DEGS2: variants seen among roughly 807,000 people sequenced by gnomAD.
DEGS2 encodes the protein delta 4-desaturase, sphingolipid 2.
A neutral mutation model predicts 23.8 loss-of-function variants in DEGS2; 19 were observed. The observed-to-expected ratio is 0.80, with a 90% CI of 0.56 to 1.17. DEGS2 has a LOEUF of 1.17. Among genes scored for constraint, DEGS2 ranks in the 50% most tolerant of loss-of-function variants. The pLI, the probability that DEGS2 is intolerant of heterozygous loss-of-function variation, is 0.00. For synonymous variants in DEGS2, 218 were observed against 213.7 expected (o/e 1.02, Z -0.18); for missense variants, 390 against 459.5 (o/e 0.85, Z 1.38).
the DEGS2 span, among the ~76,000 whole-genome samples, chr14:100,166,400 G>A: frequency 1.3e-5 from 2 of 149,780 alleles, no homozygotes; most frequent in African/African-American, 5.0e-5. Context: ...TTCACTCTCA[G>A]GAGCTCAGTG....
At position 100,145,314 on chromosome 14, in the gene DEGS2, C is replaced by G. The variant is rs2140416956; in HGVS notation, c.*1447G>C. Reference sequence around the variant, plus strand: ...GGTTCCCCTCAGCCTGTGGGCGGGCCTGTGTGCACAGGGAGGGGCCGCCCG... The same window carrying G: ...GGTTCCCCTCAGCCTGTGGGCGGGCGTGTGTGCACAGGGAGGGGCCGCCCG... On this transcript the variant is annotated 3_prime_UTR_variant, in exon 3 of 3. Coordinates refer to ENST00000305631, the MANE Select transcript of DEGS2 (RefSeq NM_206918.3). 6.6e-6 allele frequency: 1 copy of G among 152,398 alleles called. No homozygotes were observed. Among genetic ancestry groups the G allele is most frequent in the Non-Finnish European group, 1.5e-5 (1 of 68,084 alleles). The allele number at this position is 152,398 out of a possible 1,614,324, so 9.4% of individuals were successfully genotyped here.
At chr14:100,146,972 G>T (rs1229019843) in intron 2 of DEGS2, 65 bp from the exon 3 acceptor site, 3 of 1,560,180 alleles carry the variant, frequency 1.9e-6, no homozygotes, top group Non-Finnish European at 1.7e-6. Flanking sequence ...GAGCACACAC[G>T]CAGACACCTG....
Position 100,149,511 on chromosome 14 carries a change from G to T in DEGS2, c.282C>A (p.Asn94Lys). 6.2e-7 allele frequency: 1 copy of T among 1,601,502 alleles called. No individual in the cohort carries two copies. Residue 94 changes from asparagine to lysine, a missense_variant, in exon 2 of 3, where the codon AAC becomes AAA. Coordinates refer to ENST00000305631, the MANE Select transcript of DEGS2 (RefSeq NM_206918.3). Reference sequence around the variant, plus strand: ...CCGCACGGCCCGTGCCGAAGGCCGCGTTGTGCGAGATGTCGTGGATGGCCA... The same window carrying T: ...CCGCACGGCCCGTGCCGAAGGCCGCTTTGTGCGAGATGTCGTGGATGGCCA... ...LTLAIHDISH[N>K]AAFGTGRAAR...
rs1889373629 is a variant in DEGS2 at position 100,144,031 on chromosome 14, C to G, written c.*2730G>C. On this transcript the variant is annotated 3_prime_UTR_variant, in exon 3 of 3. Transcript: ENST00000305631. ...GTTTCTAGAGACGCCCCTAAGTCAC[C>G]TGCTTCATTAGACGGTTTCCAGGTT... is the stretch of plus-strand genomic sequence containing the variant. 2 of 458,066 alleles carry G rather than the reference C, an allele frequency of 4.4e-6. No individual in the cohort carries two copies. The highest frequency in any genetic ancestry group is 7.8e-6 in the Non-Finnish European group (2 of 256,776). The allele number at this position is 458,066 out of a possible 1,614,324, so 28.4% of individuals were successfully genotyped here. A position where few individuals can be genotyped will look rare whatever the true frequency, so the allele number is the denominator to read the frequency against.
chr14:100,164,932 C>A, the DEGS2 span, among the ~76,000 whole-genome samples: 1 of 152,170 alleles, frequency 6.6e-6, no homozygotes, highest in African/African-American at 2.4e-5. Context: ...CAACAAAAAA[C>A]GAAGAATGGA....
Position 100,146,823 on chromosome 14 carries a change from C to A in DEGS2, c.910G>T (p.Asp304Tyr). 2.5e-6 allele frequency: 4 copies of A among 1,613,834 alleles called. No individual in the cohort carries two copies. The highest frequency in any genetic ancestry group is 3.4e-6 in the Non-Finnish European group (4 of 1,179,908). ...VKVLWDFVFE[D>Y]SLGPYARVKR... is the part of the protein sequence containing the mutation. ...ACCCTGGCATAGGGCCCCAGGGAGT[C>A]CTCAAACACAAAATCCCAGAGCACC... Residue 304 changes from aspartate to tyrosine, a missense_variant, in exon 3 of 3, where the codon GAC (aspartate) becomes TAC (tyrosine). By Grantham distance (160) the Asp-to-Tyr change is radical. Transcript: ENST00000305631.
Position 100,149,640 on chromosome 14 carries a change from C to T in DEGS2, c.153G>A (p.Val51=). The T allele has an allele frequency of 6.2e-7, 1 of 1,611,914 alleles. No individual in the cohort carries two copies. The change falls in exon 2 of 3, where the codon GTG becomes GTA. Residue 51 remains valine (V), a synonymous_variant. Transcript: ENST00000305631. The part of the protein sequence containing the change: ...PRLKWAVLVL[V]LVQMLACWLV... Reference sequence around the variant, plus strand: ...GCCAGCAGGCCAGCATCTGCACCAGCACCAGCACCAGCACCGCCCACTTGA... The same window carrying T: ...GCCAGCAGGCCAGCATCTGCACCAGTACCAGCACCAGCACCGCCCACTTGA...
intron 1 of DEGS2, among the ~76,000 whole-genome samples, chr14:100,154,217 CA>C (rs1477186732): frequency 3.3e-5 from 5 of 152,162 alleles, no homozygotes; most frequent in Non-Finnish European, 7.4e-5. Flanking sequence ...ATACAAAAAT[CA>C]GCTGGACAAG....
chr14:100,159,521 G>T lies in DEGS2; in HGVS notation c.67C>A (p.Arg23Ser), dbSNP rs1889714698. ...CGGCGCTCACCCAGTATCTCCTTGC[G>T]CCGCTGCGTGTGCGGCTGGTCGGTG... ...VYTDQPHTQR[R>S]KEILAKYPAI... The change falls in exon 1 of 3, where the codon CGC becomes AGC. Residue 23 changes from arginine to serine, a missense_variant. Transcript: ENST00000305631. 1 of 1,503,250 alleles carries T rather than the reference G, an allele frequency of 6.7e-7. No individual in the cohort carries two copies. Among genetic ancestry groups the T allele is most frequent in the African/African-American group, 1.4e-5 (1 of 69,280 alleles). The allele number at this position is 1,503,250 out of a possible 1,614,324, so 93.1% of individuals were successfully genotyped here.
At chr14:100,166,602 T>G in the DEGS2 span, among the ~76,000 whole-genome samples, 1 of 152,026 alleles carries the variant, frequency 6.6e-6, no homozygotes, top group South Asian at 2.1e-4. Flanking sequence ...AGCACGAGCT[T>G]ACCAGGGGGC....
Position 100,145,562 on chromosome 14 carries a change from C to G in DEGS2, c.*1199G>C, listed in dbSNP as rs886966302. 6.6e-6 allele frequency: 1 copy of G among 152,300 alleles called. No homozygotes were observed. The allele number at this position is 152,300 out of a possible 1,614,324, so 9.4% of individuals were successfully genotyped here. On this transcript the variant is annotated 3_prime_UTR_variant, in exon 3 of 3. Transcript: ENST00000305631. ...AGAGGCCTTCAAGCCCTGACTGTAG[C>G]CTCAGTCTCCATTCCTAAGTCCTGG...
rs140286118 is a variant in DEGS2 at position 100,149,286 on chromosome 14, G to T, written c.507C>A (p.Phe169Leu). The T allele has an allele frequency of 2.8e-5, 45 of 1,612,568 alleles. No homozygotes were observed. Among genetic ancestry groups the T allele is most frequent in the Non-Finnish European group, 3.8e-5 (45 of 1,179,786 alleles). Reference protein sequence around the residue: ...KLLWLVLQPFFYSLRPLCVHP... With the variant: ...KLLWLVLQPFLYSLRPLCVHP... ...GGACGCAGAGCGGCCGTAGTGAGTA[G>T]AAGAAGGGCTGCAGCACCAGCCAGA... Residue 169 changes from phenylalanine (F) to leucine (L), a missense_variant, in exon 2 of 3, where the codon TTC becomes TTA. Physicochemically the swap from Phe to Leu is conservative, Grantham distance 22. Transcript: ENST00000305631.
Position 100,149,730 on chromosome 14 carries a change from G to T in DEGS2, c.83-20C>A, listed in dbSNP as rs1001031009. 4.4e-6 allele frequency: 7 copies of T among 1,580,100 alleles called. No homozygotes were observed. The highest frequency in any genetic ancestry group is 6.0e-6 in the Non-Finnish European group (7 of 1,162,146). ...ACTTGGCTGCAAGGAAGACAGGGAG[G>T]TATGAGGCCCCGCTCGGTGGGGCTG... On this transcript the variant is annotated intron_variant, in intron 1 of 2. Transcript: ENST00000305631.
the DEGS2 span, among the ~76,000 whole-genome samples, chr14:100,166,720 T>C: frequency 1.3e-5 from 2 of 151,248 alleles, no homozygotes; most frequent in African/African-American, 2.4e-5. Context: ...CCATGAGGGG[T>C]CAGCAGGACT....
At position 100,149,295 on chromosome 14, in the gene DEGS2, C is replaced by T. The variant is rs956225489; in HGVS notation, c.498G>A (p.Gln166=). Residue 166 remains glutamine, a synonymous_variant, in exon 2 of 3, where the codon CAG becomes CAA. Coordinates refer to ENST00000305631, the MANE Select transcript of DEGS2 (RefSeq NM_206918.3). Reference sequence around the variant, plus strand: ...GCGGCCGTAGTGAGTAGAAGAAGGGCTGCAGCACCAGCCAGAGCAGCTTGC... The same window carrying T: ...GCGGCCGTAGTGAGTAGAAGAAGGGTTGCAGCACCAGCCAGAGCAGCTTGC... The part of the protein sequence containing the change: ...PARKLLWLVL[Q]PFFYSLRPLC... 1 of 1,612,582 alleles carries T rather than the reference C, an allele frequency of 6.2e-7. No individual in the cohort carries two copies. The highest frequency in any genetic ancestry group is 8.5e-7 in the Non-Finnish European group (1 of 1,179,854).
intron 1 of DEGS2, among the ~76,000 whole-genome samples, chr14:100,155,262 C>A (rs1314386707): frequency 6.6e-6 from 1 of 152,224 alleles, no homozygotes; most frequent in Non-Finnish European, 1.5e-5. Flanking sequence ...CACCCATCCA[C>A]AGCTGAGTAA....
rs552649612 is a variant in DEGS2 at position 100,150,356 on chromosome 14, C to T, written c.83-646G>A. Among the ~76,000 whole-genome samples the T allele has an allele frequency of 2.0e-3, 304 of 151,884 alleles. 1 individual carries two copies. Among genetic ancestry groups the T allele is most frequent in the Non-Finnish European group, 2.0e-3 (139 of 67,878 alleles). On this transcript the variant is annotated intron_variant, in intron 1 of 2. Transcript: ENST00000305631. Reference sequence around the variant, plus strand: ...GGCAGTAGCCAATCCGCCTGGGGGCCGGCCAGCTCCAGCCCCACTCCCACC... The same window carrying T: ...GGCAGTAGCCAATCCGCCTGGGGGCTGGCCAGCTCCAGCCCCACTCCCACC...
the DEGS2 span, among the ~76,000 whole-genome samples, chr14:100,166,330 TGGGGGAGCCTGCCCGGGGCTGTG>T: frequency 0.069 from 2,190 of 31,690 alleles, 280 homozygotes; most frequent in Middle Eastern, 0.19. Context: ...CCCGGGGCTG[TGGGGGAGCCTGCCCGGGGCTGTG>T]GGGGGAGCCT....
At chr14:100,154,379 A>C (rs965739387) in intron 1 of DEGS2, among the ~76,000 whole-genome samples, 3 of 152,084 alleles carry the variant, frequency 2.0e-5, no homozygotes, top group African/African-American at 7.2e-5. Context: ...AAAAGAAAGA[A>C]AAAATCATGG....
Sources: allele counts gnomAD v4.1 joint callset (sites outside exome capture counted in the v4.1 genomes callset), GRCh38; gene constraint gnomAD v4.1.1; transcripts MANE v1.5; gene names NCBI Gene and HGNC (gene_info 2026-07-23, HGNC 2026-07-21).